ZNF8: variants seen among roughly 807,000 people sequenced by gnomAD.
ZNF8 encodes zinc finger protein 272.
In ZNF8, 9 loss-of-function variants were observed where a neutral mutation model predicts 12.2. The ratio of observed to expected loss-of-function variants is 0.73; its 90% confidence interval spans 0.44 to 1.28. The LOEUF (loss-of-function observed/expected upper bound fraction) is 1.28, where lower values mean the gene tolerates loss of function less well. Among genes scored for constraint, ZNF8 ranks in the 50% most tolerant of loss-of-function variants. The pLI is 0.00. For synonymous variants in ZNF8, 274 were observed against 282.3 expected, an observed-to-expected ratio of 0.97 and a Z score of 0.30; for missense variants, 664 against 729.1, an observed-to-expected ratio of 0.91 and a Z score of 1.03.
intron 1 of ZNF8, among the ~76,000 whole-genome samples, chr19:58,281,928 C>T (rs751984370): frequency 1.3e-5 from 2 of 152,084 alleles, no homozygotes; most frequent in African/African-American, 4.8e-5. Context: ...GCCTGGCCAA[C>T]GTGGTGCAAC....
At position 58,302,396 on chromosome 19, in the gene ZNF8, A is replaced by G. The variant is rs987495248; in HGVS notation, c.*6860A>G. Reference sequence around the variant, plus strand: ...ATTTTCCTTGCAGCTTTTTCTTAAAATATACACGTGTGTCTACACATACAT... The same window carrying G: ...ATTTTCCTTGCAGCTTTTTCTTAAAGTATACACGTGTGTCTACACATACAT... On this transcript the variant is annotated 3_prime_UTR_variant, in exon 4 of 4. Coordinates refer to ENST00000621650, the MANE Select transcript of ZNF8 (RefSeq NM_021089.3). The G allele has an allele frequency of 6.6e-6, 1 of 152,240 alleles. No individual in the cohort carries two copies. Among genetic ancestry groups the G allele is most frequent in the Non-Finnish European group, 1.5e-5 (1 of 68,044 alleles). The allele number at this position is 152,240 out of a possible 1,614,324, so 9.4% of individuals were successfully genotyped here.
intron 1 of ZNF8, 146 bp downstream of exon 1, chr19:58,279,293 T>C: frequency 6.6e-7 from 1 of 1,519,918 alleles, no homozygotes; most frequent in Non-Finnish European, 8.8e-7. Context: ...GGTCGGGGCG[T>C]GGTGACCGTC....
intron 3 of ZNF8, among the ~76,000 whole-genome samples, chr19:58,288,039 TA>T (rs1480983685): frequency 8.2e-5 from 9 of 109,276 alleles, no homozygotes; most frequent in Non-Finnish European, 1.5e-4. Flanking sequence ...TTTTTTTTTT[TA>T]ATAGAGATGA....
At chr19:58,290,043 G>A (rs1464885645) in intron 3 of ZNF8, among the ~76,000 whole-genome samples, 22 of 148,596 alleles carry the variant, frequency 1.5e-4, no homozygotes, top group Non-Finnish European at 2.5e-4. Context: ...TGATCCGCCC[G>A]CCTCAGCCTC....
rs201391767 is a variant in ZNF8 at position 58,286,102 on chromosome 19, A to G, written c.194-8A>G. ...CCCCTCACCTCCTGTGTTTTTCCCCATTTCCAGGTCCTGAGCTTCCGAAGC... is the reference window on the plus strand; with the variant it reads ...CCCCTCACCTCCTGTGTTTTTCCCCGTTTCCAGGTCCTGAGCTTCCGAAGC... On this transcript the variant is annotated splice_polypyrimidine_tract_variant and splice_region_variant and intron_variant, in intron 2 of 3. Transcript: ENST00000621650. The G allele has an allele frequency of 3.0e-3, 4,840 of 1,613,346 alleles. 10 individuals are homozygous for G. The highest frequency in any genetic ancestry group is 3.9e-3 in the Non-Finnish European group (4,592 of 1,179,796).
chr19:58,287,780 C>T (rs1407157343), intron 3 of ZNF8, among the ~76,000 whole-genome samples: 1 of 150,706 alleles, frequency 6.6e-6, no homozygotes, highest in Admixed American at 6.6e-5. Flanking sequence ...TGTGTACCAC[C>T]ATGTCCAGCT....
chr19:58,290,803 A>G (rs1207433321), intron 3 of ZNF8, among the ~76,000 whole-genome samples: 1 of 152,070 alleles, frequency 6.6e-6, no homozygotes, highest in Non-Finnish European at 1.5e-5. Context: ...GTAATCCCAG[A>G]ATTTTGGGAG....
At position 58,296,677 on chromosome 19, in the gene ZNF8, GC is replaced by G. The variant is rs2051457665; in HGVS notation, c.*1144del. On this transcript the variant is annotated 3_prime_UTR_variant, in exon 4 of 4. Transcript: ENST00000621650. Reference sequence around the variant, plus strand: ...TGGGTTTACAGGCATGAGCCACTATGCCCAGCTGAGCCAGAGGTTCTTAACT... The same window carrying G: ...TGGGTTTACAGGCATGAGCCACTATGCCAGCTGAGCCAGAGGTTCTTAACT... 6.6e-6 allele frequency: 1 copy of G among 152,224 alleles called. No individual in the cohort carries two copies. Among genetic ancestry groups the G allele is most frequent in the African/African-American group, 2.4e-5 (1 of 41,406 alleles). The allele number at this position is 152,224 out of a possible 1,614,324, so 9.4% of individuals were successfully genotyped here. A position where few individuals can be genotyped will look rare whatever the true frequency, so the allele number is the denominator to read the frequency against.
At chr19:58,290,624 G>A (rs907533600) in intron 3 of ZNF8, among the ~76,000 whole-genome samples, 15 of 152,146 alleles carry the variant, frequency 9.9e-5, no homozygotes, top group African/African-American at 3.4e-4. Context: ...ACCTGGCATG[G>A]TGGTGTGTTC....
intron 3 of ZNF8, among the ~76,000 whole-genome samples, chr19:58,289,892 G>A (rs924990550): frequency 1.3e-5 from 2 of 151,688 alleles, no homozygotes; most frequent in Non-Finnish European, 2.9e-5. Flanking sequence ...CGCCTTCCCA[G>A]GTTCAAGCGA....
intron 3 of ZNF8, chr19:58,286,406 A>G (rs2051383989): frequency 2.1e-6 from 1 of 483,256 alleles, no homozygotes; most frequent in African/African-American, 2.0e-5. Flanking sequence ...GGATAAGTTC[A>G]GAGGAAGCCA....
Position 58,295,165 on chromosome 19 carries a change from C to G in ZNF8, c.1357C>G (p.Pro453Ala), listed in dbSNP as rs749045330. Residue 453 changes from proline (P) to alanine (A), a missense_variant, in exon 4 of 4, where the codon CCT becomes GCT. Coordinates refer to ENST00000621650, the MANE Select transcript of ZNF8 (RefSeq NM_021089.3). ...GACAGAAGCCCTGGGCTGTGACCCA[C>G]CTTTGAGTCAAGATGAGAGGACTCA... The part of the protein sequence containing the change: ...EWTEALGCDP[P>A]LSQDERTHRS... 6.8e-6 allele frequency: 11 copies of G among 1,614,084 alleles called. No homozygotes were observed. The highest frequency in any genetic ancestry group is 5.5e-5 in the South Asian group (5 of 91,080).
rs1452716670 is a variant in ZNF8, at chr19:58,302,367, A to T, written c.*6831A>T. ...AGATGGTCCTTACCATTAGGATTTTACTAATTTTCCTTGCAGCTTTTTCTT... is the reference window on the plus strand; with the variant it reads ...AGATGGTCCTTACCATTAGGATTTTTCTAATTTTCCTTGCAGCTTTTTCTT... On this transcript the variant is annotated 3_prime_UTR_variant, in exon 4 of 4. Transcript: ENST00000621650. 6.6e-6 allele frequency: 1 copy of T among 152,240 alleles called. No individual in the cohort carries two copies. The highest frequency in any genetic ancestry group is 1.5e-5 in the Non-Finnish European group (1 of 68,044). 9.4% of individuals were successfully genotyped at this position (152,240 alleles called of 1,614,324 possible).
In ZNF8 at chr19:58,299,123, T is replaced by C. The variant is rs1021240442; in HGVS notation, c.*3587T>C. 1 of 151,882 alleles carries C rather than the reference T, an allele frequency of 6.6e-6. No individual in the cohort carries two copies. Among genetic ancestry groups the C allele is most frequent in the African/African-American group, 2.4e-5 (1 of 41,208 alleles). 9.4% of individuals were successfully genotyped at this position (151,882 alleles called of 1,614,324 possible). ...GCACCCTGCCAAACAGCAATTTTTT[T>C]TTTTTTTGAGACAGAGTCTCGCTGT... On this transcript the variant is annotated 3_prime_UTR_variant, in exon 4 of 4. Coordinates refer to ENST00000621650, the MANE Select transcript of ZNF8 (RefSeq NM_021089.3).
At chr19:58,281,129 C>G (rs2051348564) in intron 1 of ZNF8, among the ~76,000 whole-genome samples, 2 of 152,084 alleles carry the variant, frequency 1.3e-5, no homozygotes, top group African/African-American at 4.8e-5. Context: ...CTGAGAGGAG[C>G]CATCCAGTAT....
chr19:58,289,090 CAGA>C (rs1223828475), intron 3 of ZNF8, among the ~76,000 whole-genome samples: 1 of 152,188 alleles, frequency 6.6e-6, no homozygotes, highest in Non-Finnish European at 1.5e-5. Flanking sequence ...ACTCCAGAAG[CAGA>C]AGGTTTTCAA....
rs556999908 is a variant in ZNF8 at position 58,295,838 on chromosome 19, A to T, written c.*302A>T. On this transcript the variant is annotated 3_prime_UTR_variant, in exon 4 of 4. Coordinates refer to ENST00000621650, the MANE Select transcript of ZNF8 (RefSeq NM_021089.3). ...AATATGCGGCCCCATTTTGTAAAGG[A>T]TCATTAAAATGAAAGTAATTTATGG... 1.3e-5 allele frequency: 4 copies of T among 317,392 alleles called. No individual in the cohort carries two copies. The highest frequency in any genetic ancestry group is 6.5e-5 in the African/African-American group (3 of 46,374). The allele number at this position is 317,392 out of a possible 1,614,324, so 19.7% of individuals were successfully genotyped here.
Position 58,295,494 on chromosome 19 carries a change from T to A in ZNF8, c.1686T>A (p.Ser562=). The A allele has an allele frequency of 6.2e-7, 1 of 1,608,884 alleles. No homozygotes were observed. The highest frequency in any genetic ancestry group is 8.5e-7 in the Non-Finnish European group (1 of 1,177,392). ...ACGTTATTGGGGTGGAAGAGCCTTC[T>A]GTGGGTGCTTCCATGTTATTTGACA... ...PVHVIGVEEP[S]VGASMLFDIR... is the part of the protein sequence containing the mutation. Residue 562 remains serine (S), a synonymous_variant, in exon 4 of 4, where the codon TCT becomes TCA. Transcript: ENST00000621650.
intron 3 of ZNF8, among the ~76,000 whole-genome samples, 162 bp from the exon 4 acceptor site, chr19:58,293,936 C>G (rs769836412): frequency 1.3e-5 from 2 of 152,208 alleles, no homozygotes; most frequent in African/African-American, 4.8e-5. Flanking sequence ...TGAGTGGAGC[C>G]GTGTCTGAGG....
Sources: allele counts gnomAD v4.1 joint callset (sites outside exome capture counted in the v4.1 genomes callset), GRCh38; gene constraint gnomAD v4.1.1; transcripts MANE v1.5; gene names NCBI Gene and HGNC (gene_info 2026-07-23, HGNC 2026-07-21).